Variants in TMC1 observed in about 807,000 individuals in gnomAD.
TMC1 encodes the protein transmembrane channel like 1, also known as transmembrane channel-like protein 1.
Under a neutral mutation model 105.8 loss-of-function variants are expected in TMC1, and 84 were observed. The observed-to-expected ratio is 0.79, with a 90% CI of 0.67 to 0.95. The LOEUF (loss-of-function observed/expected upper bound fraction) is 0.95, where lower values mean the gene tolerates loss of function less well. Ranked by LOEUF, TMC1 falls within the 40% of genes least tolerant of loss-of-function variation. TMC1 has a pLI of 0.00. For missense variants in TMC1, 817 were observed against 914.1 expected (o/e 0.89, Z 1.37); for synonymous variants, 315 against 311.5 (o/e 1.01, Z -0.12).
chr9:72,725,388 C>A, intron 8 of TMC1, among the ~76,000 whole-genome samples: 1 of 123,892 alleles, frequency 8.1e-6, no homozygotes, highest in East Asian at 2.4e-4. Flanking sequence ...CACACACATG[C>A]GTACATATAT....
intron 1 of TMC1, among the ~76,000 whole-genome samples, chr9:72,566,919 G>A (rs1354927849): frequency 6.6e-6 from 1 of 152,224 alleles, no homozygotes; most frequent in Non-Finnish European, 1.5e-5. Flanking sequence ...ATTATAGCAA[G>A]AGAGATCTTT....
At chr9:72,835,272 G>A (rs1226889486) in intron 23 of TMC1, among the ~76,000 whole-genome samples, 3 of 152,138 alleles carry the variant, frequency 2.0e-5, no homozygotes, top group Admixed American at 1.3e-4. Context: ...ATGGTTTTAT[G>A]TCCATCTTCA....
chr9:72,649,016 T>C (rs1223955669), intron 5 of TMC1, among the ~76,000 whole-genome samples: 1 of 152,200 alleles, frequency 6.6e-6, no homozygotes, highest in African/African-American at 2.4e-5. Flanking sequence ...ATTGTCAGAT[T>C]GGTGTGTGAG....
chr9:72,703,481 A>G (rs1588040307), intron 8 of TMC1, among the ~76,000 whole-genome samples: 3 of 152,332 alleles, frequency 2.0e-5, no homozygotes, highest in South Asian at 4.1e-4. Flanking sequence ...TTCATGAACA[A>G]GTGGAAGATT....
chr9:72,530,934 C>A (rs184237079), intron 1 of TMC1, among the ~76,000 whole-genome samples: 1 of 151,078 alleles, frequency 6.6e-6, no homozygotes, highest in African/African-American at 2.4e-5. Context: ...CATTCTCCTG[C>A]CTCAGCCTCT....
At chr9:72,619,256 G>A (rs775849715) in intron 3 of TMC1, among the ~76,000 whole-genome samples, 8 of 152,208 alleles carry the variant, frequency 5.3e-5, no homozygotes, top group Non-Finnish European at 8.8e-5. Context: ...TAATCATATC[G>A]TAGATACTCA....
At chr9:72,617,312 C>A (rs1825150720) in intron 3 of TMC1, among the ~76,000 whole-genome samples, 1 of 152,044 alleles carries the variant, frequency 6.6e-6, no homozygotes, top group African/African-American at 2.4e-5. Flanking sequence ...CAGGTGCCAG[C>A]CACCATGTCC....
At chr9:72,746,070 C>G (rs1183117400) in intron 10 of TMC1, among the ~76,000 whole-genome samples, 1 of 152,144 alleles carries the variant, frequency 6.6e-6, no homozygotes, top group Non-Finnish European at 1.5e-5. Context: ...TAATTGCCTT[C>G]TCAAATTCTT....
At chr9:72,526,887 C>T (rs1192913407) in intron 1 of TMC1, among the ~76,000 whole-genome samples, 1 of 152,228 alleles carries the variant, frequency 6.6e-6, no homozygotes, top group African/African-American at 2.4e-5. Context: ...GAGTTGTGCA[C>T]ACCATGCAGT....
intron 5 of TMC1, among the ~76,000 whole-genome samples, chr9:72,685,166 G>A (rs1450542922): frequency 7.0e-6 from 1 of 142,078 alleles, no homozygotes; most frequent in Non-Finnish European, 1.5e-5. Context: ...GAGTGCAGTG[G>A]CGCTATCTCA....
At chr9:72,828,345 G>C (rs942771023) in intron 21 of TMC1, among the ~76,000 whole-genome samples, 2 of 152,072 alleles carry the variant, frequency 1.3e-5, no homozygotes, top group African/African-American at 4.8e-5. Context: ...AGTGGCTTCT[G>C]AGAGCATGTT....
At chr9:72,542,772 C>T (rs1162768894) in intron 1 of TMC1, among the ~76,000 whole-genome samples, 1 of 151,854 alleles carries the variant, frequency 6.6e-6, no homozygotes, top group African/African-American at 2.4e-5. Flanking sequence ...CTCTGCCGCC[C>T]GGGTTCAAGC....
intron 8 of TMC1, among the ~76,000 whole-genome samples, chr9:72,719,805 A>G (rs1429468324): frequency 6.6e-6 from 1 of 152,208 alleles, no homozygotes; most frequent in African/African-American, 2.4e-5. Flanking sequence ...CTTTACAGGT[A>G]TCTTGAGTAT....
chr9:72,646,642 A>T (rs934168538), intron 4 of TMC1, among the ~76,000 whole-genome samples: 7 of 148,268 alleles, frequency 4.7e-5, no homozygotes, highest in African/African-American at 1.5e-4. Flanking sequence ...TTATTTATTT[A>T]TTTTTTTTTG....
rs574875633 is a variant in TMC1, at chr9:72,757,915, G to A, written c.741+3031G>A. 2.0e-5 allele frequency among the ~76,000 whole-genome samples: 3 copies of A among 152,286 alleles called. No homozygotes were observed. In the South Asian group the frequency reaches 6.2e-4, roughly 32 times the overall value. On this transcript the variant is annotated intron_variant, in intron 12 of 23. Coordinates refer to ENST00000297784, the MANE Select transcript of TMC1 (RefSeq NM_138691.3). ...GGTATTACACACGGTAATGTATGTG[G>A]ATAGTGGCAAGCTAGTAAAAGGACT... is the stretch of plus-strand genomic sequence containing the variant.
intron 4 of TMC1, among the ~76,000 whole-genome samples, chr9:72,635,922 A>G (rs542410465): frequency 6.7e-4 from 102 of 152,310 alleles, no homozygotes; most frequent in Non-Finnish European, 1.1e-3. Flanking sequence ...TTCTATGGCC[A>G]TTGAACTTAA....
intron 10 of TMC1, among the ~76,000 whole-genome samples, chr9:72,743,142 C>T (rs1348773533): frequency 2.0e-5 from 3 of 151,684 alleles, no homozygotes; most frequent in Admixed American, 6.6e-5. Context: ...CCGAGGCGGG[C>T]GGATCACGAG....
intron 2 of TMC1, among the ~76,000 whole-genome samples, chr9:72,601,764 G>A (rs1200225321): frequency 6.6e-6 from 1 of 152,164 alleles, no homozygotes; most frequent in African/African-American, 2.4e-5. Context: ...AATTGCTCAC[G>A]CCTGGGCCTT....
chr9:72,659,898 G>A (rs1042864043), intron 5 of TMC1, among the ~76,000 whole-genome samples: 2 of 152,186 alleles, frequency 1.3e-5, no homozygotes, highest in Admixed American at 1.3e-4. Flanking sequence ...CGGGGTTTCT[G>A]TTTGAGATTC....
Sources: gnomAD v4.1 joint callset for allele counts (sites outside exome capture counted in the v4.1 genomes callset) on GRCh38, gnomAD v4.1.1 for gene constraint, MANE v1.5 for transcripts, NCBI Gene and HGNC (gene_info 2026-07-23, HGNC 2026-07-21) for gene names.